STPG2: variants seen among roughly 807,000 people sequenced by gnomAD.
STPG2 encodes the protein sperm tail PG-rich repeat containing 2.
Under a neutral mutation model 54.2 loss-of-function variants are expected in STPG2, and 56 were observed. The observed-to-expected ratio is 1.03, with a 90% CI of 0.83 to 1.29. The LOEUF (loss-of-function observed/expected upper bound fraction) is 1.29, where lower values mean the gene tolerates loss of function less well. Among genes scored for constraint, STPG2 ranks in the 50% most tolerant of loss-of-function variants. STPG2 has a pLI of 0.00. For synonymous variants in STPG2, 200 were observed against 181.8 expected (o/e 1.10, Z -0.81); for missense variants, 596 against 544.9 (o/e 1.09, Z -0.93).
intron 10 of STPG2, among the ~76,000 whole-genome samples, chr4:97,686,817 A>AT (rs1723203586): frequency 6.6e-6 from 1 of 152,086 alleles, no homozygotes; most frequent in South Asian, 2.1e-4. Context: ...TTATGGACTA[A>AT]TATTTACTTT....
At chr4:98,007,970 C>T (rs1052720199) in intron 5 of STPG2, among the ~76,000 whole-genome samples, 3 of 151,940 alleles carry the variant, frequency 2.0e-5, no homozygotes, top group Non-Finnish European at 4.4e-5. Flanking sequence ...AGTGTCTAAA[C>T]TTAAGAATCC....
chr4:97,873,000 A>T (rs1730046042), intron 8 of STPG2, among the ~76,000 whole-genome samples: 1 of 151,438 alleles, frequency 6.6e-6, no homozygotes, highest in Non-Finnish European at 1.5e-5. Flanking sequence ...CAGAACTCCA[A>T]GTCTAAGAAC....
intron 8 of STPG2, among the ~76,000 whole-genome samples, chr4:97,851,391 T>A (rs1729153707): frequency 6.6e-6 from 1 of 152,180 alleles, no homozygotes. Flanking sequence ...AGCCTTGTTG[T>A]TAAGTTCTTC....
At chr4:97,515,450 G>C (rs977982885) in intron 4 of STPG2, among the ~76,000 whole-genome samples, 3 of 151,966 alleles carry the variant, frequency 2.0e-5, no homozygotes, top group African/African-American at 7.3e-5. Flanking sequence ...TGCTTAGAGT[G>C]GGAAAGCAGA....
intron 9 of STPG2, among the ~76,000 whole-genome samples, chr4:97,762,884 T>C (rs932905099): frequency 3.9e-5 from 6 of 152,182 alleles, no homozygotes; most frequent in Non-Finnish European, 7.4e-5. Flanking sequence ...CTATATCTCC[T>C]TTCTCTGATA....
chr4:97,967,161 A>G (rs1734133771), intron 7 of STPG2, among the ~76,000 whole-genome samples: 1 of 146,274 alleles, frequency 6.8e-6, no homozygotes, highest in African/African-American at 2.5e-5. Flanking sequence ...GGGATGGAGG[A>G]AGATTTACCA....
intron 4 of STPG2, chr4:97,489,895 T>C (rs992737159): frequency 6.6e-6 from 1 of 151,320 alleles, no homozygotes; most frequent in African/African-American, 2.4e-5. Flanking sequence ...AGACAAAAGA[T>C]TGCAGATCTA....
intron 9 of STPG2, among the ~76,000 whole-genome samples, chr4:97,815,127 T>C (rs1451280964): frequency 6.6e-6 from 1 of 152,166 alleles, no homozygotes; most frequent in Non-Finnish European, 1.5e-5. Flanking sequence ...TGAAGTCAGC[T>C]TTGCTAAAGG....
intron 10 of STPG2, among the ~76,000 whole-genome samples, chr4:97,616,455 T>C (rs1321442918): frequency 6.6e-6 from 1 of 152,098 alleles, no homozygotes; most frequent in African/African-American, 2.4e-5. Context: ...CAACAGATTT[T>C]GAAAAATAAC....
intron 4 of STPG2, among the ~76,000 whole-genome samples, chr4:97,482,648 A>G (rs1378170657): frequency 6.6e-6 from 1 of 151,682 alleles, no homozygotes; most frequent in Non-Finnish European, 1.5e-5. Flanking sequence ...GGAATAATCA[A>G]AGAAAACTTC....
chr4:97,620,632 C>A lies in STPG2; in HGVS notation c.1321-61515G>T, dbSNP rs188984433. On this transcript the variant is annotated intron_variant, in intron 10 of 10. Transcript: ENST00000295268. ...TATATGCACCCAACATAGGAGTACCCAGATTCATAAAGCAAGGTCTTAGGC... is the reference window on the plus strand; with the variant it reads ...TATATGCACCCAACATAGGAGTACCAAGATTCATAAAGCAAGGTCTTAGGC... Among the ~76,000 whole-genome samples, 266 of 152,178 alleles carry A rather than the reference C, an allele frequency of 1.7e-3. 3 individuals are homozygous for A. The highest frequency in any genetic ancestry group is 0.016 in the Admixed American group (245 of 15,294).
At chr4:97,795,817 CA>C in intron 9 of STPG2, among the ~76,000 whole-genome samples, 1 of 152,272 alleles carries the variant, frequency 6.6e-6, no homozygotes. Context: ...GTGCCACCAA[CA>C]GTGTAAAAGT....
intron 4 of STPG2, among the ~76,000 whole-genome samples, chr4:97,493,389 C>T (rs11097562): frequency 0.77 from 116,579 of 151,280 alleles, 45,669 homozygotes; most frequent in African/African-American, 0.92. Flanking sequence ...AGCAGGATCC[C>T]GCTGTAATAG....
At chr4:97,951,918 G>A (rs949225384) in intron 7 of STPG2, among the ~76,000 whole-genome samples, 1 of 152,112 alleles carries the variant, frequency 6.6e-6, no homozygotes, top group Non-Finnish European at 1.5e-5. Flanking sequence ...GAGCTGGCTG[G>A]AGGTTGGGAG....
intron 10 of STPG2, among the ~76,000 whole-genome samples, chr4:97,667,903 C>A (rs1722576898): frequency 6.6e-6 from 1 of 152,022 alleles, no homozygotes; most frequent in African/African-American, 2.4e-5. Context: ...TCATTGCAGC[C>A]TTTTTTACAT....
intron 4 of STPG2, among the ~76,000 whole-genome samples, chr4:97,521,809 G>A (rs1260685033): frequency 6.6e-6 from 1 of 151,782 alleles, no homozygotes; most frequent in Non-Finnish European, 1.5e-5. Context: ...AAATAGGGAG[G>A]TTAAAAACAA....
intron 9 of STPG2, among the ~76,000 whole-genome samples, chr4:97,811,212 C>T (rs1727730481): frequency 6.6e-6 from 1 of 151,870 alleles, no homozygotes; most frequent in South Asian, 2.1e-4. Flanking sequence ...AAAAAAAAAT[C>T]CGTTGGAGAC....
At chr4:98,102,871 A>G (rs1739085409) in intron 5 of STPG2, among the ~76,000 whole-genome samples, 1 of 148,728 alleles carries the variant, frequency 6.7e-6, no homozygotes, top group South Asian at 2.1e-4. Flanking sequence ...AATATGGAAT[A>G]TATCATGTAA....
chr4:97,931,922 C>T (rs1001979828), intron 8 of STPG2, among the ~76,000 whole-genome samples: 6 of 151,946 alleles, frequency 3.9e-5, no homozygotes, highest in African/African-American at 1.5e-4. Flanking sequence ...AATTTCAGAA[C>T]TCATTATTGG....
Sources: gnomAD v4.1 joint callset for allele counts (sites outside exome capture counted in the v4.1 genomes callset) on GRCh38, gnomAD v4.1.1 for gene constraint, MANE v1.5 for transcripts, NCBI Gene and HGNC (gene_info 2026-07-23, HGNC 2026-07-21) for gene names.